XKR6: variants seen among roughly 807,000 people sequenced by gnomAD.
XKR6 encodes the protein XK-related protein 6.
In XKR6, 22 loss-of-function variants were observed where a neutral mutation model predicts 56.7. The ratio of observed to expected loss-of-function variants is 0.39; its 90% CI spans 0.28 to 0.55. XKR6 has a LOEUF of 0.55. Among genes scored for constraint, XKR6 ranks in the 20% least tolerant of loss-of-function variants. The pLI is 0.66. For missense variants in XKR6, 852 were observed against 889.0 expected, an observed-to-expected ratio of 0.96 and a Z score of 0.53; for synonymous variants, 524 against 387.8, an observed-to-expected ratio of 1.35 and a Z score of -4.13.
intron 1 of XKR6, among the ~76,000 whole-genome samples, chr8:10,938,213 A>T (rs1801283587): frequency 6.6e-6 from 1 of 151,640 alleles, no homozygotes; most frequent in African/African-American, 2.4e-5. Flanking sequence ...GAACTCCCTG[A>T]CCCCTTGCGC....
chr8:11,187,093 G>A (rs1406481870), intron 1 of XKR6, among the ~76,000 whole-genome samples: 2 of 152,270 alleles, frequency 1.3e-5, no homozygotes, highest in East Asian at 1.9e-4. Flanking sequence ...TAGCTCAGAT[G>A]ATTTATTTAA....
chr8:10,955,238 T>C (rs1274999348), intron 1 of XKR6, among the ~76,000 whole-genome samples: 1 of 152,150 alleles, frequency 6.6e-6, no homozygotes, highest in Non-Finnish European at 1.5e-5. Flanking sequence ...CCTACAATGA[T>C]TGCTGCTCAC....
intron 1 of XKR6, among the ~76,000 whole-genome samples, chr8:11,006,699 A>G (rs542153289): frequency 6.6e-6 from 1 of 152,260 alleles, no homozygotes; most frequent in South Asian, 2.1e-4. Flanking sequence ...GGACCCAGAG[A>G]GCTAAGTGGG....
At chr8:11,076,697 G>C (rs1800283150) in intron 1 of XKR6, among the ~76,000 whole-genome samples, 1 of 152,230 alleles carries the variant, frequency 6.6e-6, no homozygotes, top group Non-Finnish European at 1.5e-5. Context: ...GAAGGGTCCA[G>C]CTGAGTCCAG....
At position 11,004,599 on chromosome 8, in the gene XKR6, C is replaced by T. The variant is rs1289527583; in HGVS notation, c.765-79769G>A. Among the ~76,000 whole-genome samples the T allele has an allele frequency of 2.6e-5, 4 of 152,324 alleles. No individual in the cohort carries two copies. In the South Asian group the frequency reaches 8.3e-4, roughly 32 times the overall value. The stretch of plus-strand genomic sequence containing the variant: ...TGCCTACCAGGCCAGCAACAGGGAG[C>T]TGGTTAAACAAAACTTGTTGCTCAT... On this transcript the variant is annotated intron_variant, in intron 1 of 2. Transcript: ENST00000416569.
chr8:10,900,365 C>T (rs903862239), intron 2 of XKR6, among the ~76,000 whole-genome samples: 8 of 152,194 alleles, frequency 5.3e-5, no homozygotes, highest in African/African-American at 1.2e-4. Context: ...ATGAAGAATC[C>T]GAGTTCTCTG....
intron 1 of XKR6, among the ~76,000 whole-genome samples, chr8:11,192,320 G>A (rs551691811): frequency 8.5e-5 from 13 of 152,050 alleles, no homozygotes; most frequent in Middle Eastern, 3.4e-3. Flanking sequence ...CACCACGCCC[G>A]GCTAATTTTT....
At chr8:11,167,458 C>T (rs968166120) in intron 1 of XKR6, among the ~76,000 whole-genome samples, 1 of 152,152 alleles carries the variant, frequency 6.6e-6, no homozygotes, top group South Asian at 2.1e-4. Context: ...CAAAACTCAT[C>T]CAGGCTGGAA....
At chr8:10,990,689 C>A (rs1228759494) in intron 1 of XKR6, among the ~76,000 whole-genome samples, 1 of 152,228 alleles carries the variant, frequency 6.6e-6, no homozygotes, top group South Asian at 2.1e-4. Context: ...AAGCGATCCT[C>A]CCACCTAAGC....
intron 1 of XKR6, among the ~76,000 whole-genome samples, chr8:11,154,509 T>C (rs1801415617): frequency 6.6e-6 from 1 of 152,172 alleles, no homozygotes; most frequent in Non-Finnish European, 1.5e-5. Context: ...ACCATAACAA[T>C]AAGTGTAACA....
intron 1 of XKR6, among the ~76,000 whole-genome samples, chr8:11,037,656 G>A (rs1381597429): frequency 1.3e-5 from 2 of 152,266 alleles, no homozygotes; most frequent in East Asian, 3.9e-4. Context: ...TCAAGAGATC[G>A]AGACCATCCT....
Position 11,187,119 on chromosome 8 carries a change from A to G in XKR6, c.764+13457T>C, listed in dbSNP as rs75078672. Among the ~76,000 whole-genome samples the G allele has an allele frequency of 3.1e-3, 470 of 152,306 alleles. 8 individuals carry two copies. The highest frequency in any genetic ancestry group is 0.022 in the South Asian group (107 of 4,828). On this transcript the variant is annotated intron_variant, in intron 1 of 2. Coordinates refer to ENST00000416569, the MANE Select transcript of XKR6 (RefSeq NM_173683.4). The stretch of plus-strand genomic sequence containing the variant: ...ATTTATTTAAAACCTCACTATAACC[A>G]TATTTCAAATGAACCAAAATGTAAA...
intron 1 of XKR6, among the ~76,000 whole-genome samples, chr8:10,975,595 G>A (rs763897342): frequency 1.3e-5 from 2 of 152,178 alleles, no homozygotes; most frequent in Non-Finnish European, 2.9e-5. Context: ...GTGGTCTCGC[G>A]GATTTGTGTG....
chr8:11,024,421 G>A (rs534247720), intron 1 of XKR6, among the ~76,000 whole-genome samples: 49 of 152,304 alleles, frequency 3.2e-4, no homozygotes, highest in Middle Eastern at 3.4e-3. Context: ...AACCCATGAT[G>A]TAGGGATGCT....
chr8:11,072,158 C>T (rs1396740978), intron 1 of XKR6, among the ~76,000 whole-genome samples: 1 of 152,230 alleles, frequency 6.6e-6, no homozygotes, highest in Non-Finnish European at 1.5e-5. Context: ...ACCTGTACAG[C>T]CAATACCGTC....
chr8:10,996,538 T>C (rs1405216339), intron 1 of XKR6, among the ~76,000 whole-genome samples: 1 of 152,234 alleles, frequency 6.6e-6, no homozygotes, highest in Non-Finnish European at 1.5e-5. Flanking sequence ...GCAATTTTCC[T>C]CTTTGAAGAA....
intron 1 of XKR6, among the ~76,000 whole-genome samples, chr8:11,067,528 G>A (rs548871447): frequency 1.4e-4 from 22 of 152,230 alleles, no homozygotes; most frequent in Non-Finnish European, 3.1e-4. Context: ...ATGTCTCACA[G>A]TGAAACATTA....
At chr8:11,138,914 C>T (rs530987320) in intron 1 of XKR6, among the ~76,000 whole-genome samples, 24 of 142,898 alleles carry the variant, frequency 1.7e-4, no homozygotes, top group African/African-American at 6.6e-4. Context: ...GCCATTTCAC[C>T]GGCAGAATAA....
At chr8:11,121,025 C>T (rs1208240223) in intron 1 of XKR6, among the ~76,000 whole-genome samples, 1 of 152,132 alleles carries the variant, frequency 6.6e-6, no homozygotes, top group East Asian at 1.9e-4. Flanking sequence ...ACACCTTAGA[C>T]AAAAATTAAT....
Sources: gnomAD v4.1 joint callset for allele counts (sites outside exome capture counted in the v4.1 genomes callset) on GRCh38, gnomAD v4.1.1 for gene constraint, MANE v1.5 for transcripts, NCBI Gene and HGNC (gene_info 2026-07-23, HGNC 2026-07-21) for gene names.